RAB3IP: variants seen among roughly 807,000 people sequenced by gnomAD.
RAB3IP encodes the protein RAB3A interacting protein, also known as rab-3A-interacting protein.
Under a neutral mutation model 59.1 loss-of-function variants are expected in RAB3IP, and 36 were observed. That is an observed-to-expected ratio of 0.61 (90% confidence interval 0.47 to 0.80). RAB3IP has a LOEUF of 0.80. Ranked by LOEUF, RAB3IP falls within the 30% of genes least tolerant of loss-of-function variation. The probability of loss-of-function intolerance (pLI) is 0.00; values close to 1 mark genes in which losing one functional copy is unlikely to be tolerated. For missense variants in RAB3IP, 511 were observed against 536.0 expected (o/e 0.95, Z 0.46); for synonymous variants, 207 against 191.2 (o/e 1.08, Z -0.68).
chr12:69,747,633 C>G (rs1257798353), intron 1 of RAB3IP, among the ~76,000 whole-genome samples: 1 of 152,160 alleles, frequency 6.6e-6, no homozygotes, highest in Non-Finnish European at 1.5e-5. Flanking sequence ...GAAATTGAGA[C>G]TTAGATCTTC....
At chr12:69,742,654 T>C (rs1448817375) in intron 1 of RAB3IP, among the ~76,000 whole-genome samples, 1 of 152,148 alleles carries the variant, frequency 6.6e-6, no homozygotes, top group Non-Finnish European at 1.5e-5. Flanking sequence ...AGTTGAAGAA[T>C]GTTAGGATGT....
intron 8 of RAB3IP, among the ~76,000 whole-genome samples, chr12:69,802,849 T>C (rs775373501): frequency 7.2e-5 from 11 of 152,356 alleles, no homozygotes; most frequent in Middle Eastern, 3.4e-3. Context: ...CCTAGTCATA[T>C]GTTTGCTCTG....
chr12:69,759,723 C>T (rs1179801998), intron 3 of RAB3IP, among the ~76,000 whole-genome samples: 77 of 147,538 alleles, frequency 5.2e-4, no homozygotes, highest in Admixed American at 1.5e-3. Flanking sequence ...CCCTCCCGGA[C>T]GGGGCGGCTG....
intron 1 of RAB3IP, among the ~76,000 whole-genome samples, chr12:69,744,848 T>A (rs1027241172): frequency 3.3e-5 from 5 of 152,170 alleles, no homozygotes; most frequent in African/African-American, 1.2e-4. Context: ...GAATGCTTCT[T>A]AAAAGATAAA....
rs1002081021 is a variant in RAB3IP, at chr12:69,821,626, C to T, written c.*6180C>T. ...TGTTTTGGTTTATTTTTCTGTTTGT[C>T]CATCTTGTTTTTGAACAATTGCCAG... is the stretch of plus-strand genomic sequence containing the variant. On this transcript the variant is annotated 3_prime_UTR_variant, in exon 11 of 11. Coordinates refer to ENST00000247833, the MANE Select transcript of RAB3IP (RefSeq NM_022456.5). 1 of 152,132 alleles carries T rather than the reference C, an allele frequency of 6.6e-6. No individual in the cohort carries two copies. Among genetic ancestry groups the T allele is most frequent in the African/African-American group, 2.4e-5 (1 of 41,424 alleles). 9.4% of individuals were successfully genotyped at this position (152,132 alleles called of 1,614,324 possible).
At position 69,756,510 on chromosome 12, in the gene RAB3IP, A is replaced by G; in HGVS notation, c.357A>G (p.Leu119=). 1 of 1,614,174 alleles carries G rather than the reference A, an allele frequency of 6.2e-7. No individual in the cohort carries two copies. The highest frequency in any genetic ancestry group is 8.5e-7 in the Non-Finnish European group (1 of 1,180,002). Residue 119 remains leucine (L), a synonymous_variant, in exon 3 of 11, where the codon TTA becomes TTG. Coordinates refer to ENST00000247833, the MANE Select transcript of RAB3IP (RefSeq NM_022456.5). ...ACTATAATGCAGAGAGAGAGTTTTT[A>G]CAGGGTGCTACTATAACAGAGGCTT... The part of the protein sequence containing the change: ...KDNYNAEREF[L]QGATITEACD...
intron 1 of RAB3IP, among the ~76,000 whole-genome samples, chr12:69,752,626 C>G (rs1489379486): frequency 1.3e-5 from 2 of 152,142 alleles, no homozygotes; most frequent in Admixed American, 1.3e-4. Context: ...AAATTTTCCT[C>G]CATAGGATTT....
chr12:69,738,666 C>T (rs1254079140), upstream of RAB3IP: 1 of 152,162 alleles, frequency 6.6e-6, no homozygotes, highest in Non-Finnish European at 1.5e-5. Flanking sequence ...GGGAAACCGC[C>T]CGCGGAGGAA....
chr12:69,810,279 C>T (rs959761976), intron 8 of RAB3IP, among the ~76,000 whole-genome samples: 4 of 152,148 alleles, frequency 2.6e-5, no homozygotes, highest in Non-Finnish European at 5.9e-5. Context: ...AGAGGAGTAC[C>T]CGGCAGTGTG....
At chr12:69,742,923 C>A (rs916877235) in intron 1 of RAB3IP, among the ~76,000 whole-genome samples, 2 of 152,022 alleles carry the variant, frequency 1.3e-5, no homozygotes, top group Non-Finnish European at 2.9e-5. Context: ...TAACTATAGC[C>A]GTAAACTGAT....
At position 69,748,145 on chromosome 12, in the gene RAB3IP, G is replaced by A. The variant is rs373094651; in HGVS notation, c.-25-7239G>A. ...AGGTAAGTCCAAATTAGGGGAATGTGCTTTTTGTGGAAAAATGGATTTTAT... is the reference window on the plus strand; with the variant it reads ...AGGTAAGTCCAAATTAGGGGAATGTACTTTTTGTGGAAAAATGGATTTTAT... On this transcript the variant is annotated intron_variant, in intron 1 of 10. Transcript: ENST00000247833. Among the ~76,000 whole-genome samples the A allele has an allele frequency of 4.0e-5, 6 of 149,102 alleles. No individual in the cohort carries two copies. In the East Asian group the frequency reaches 7.9e-4, roughly 20 times the overall value.
At chr12:69,799,771 G>A (rs1322955015) in intron 6 of RAB3IP, among the ~76,000 whole-genome samples, 1 of 152,038 alleles carries the variant, frequency 6.6e-6, no homozygotes, top group African/African-American at 2.4e-5. Context: ...TAATTAATTA[G>A]GTTCCAAATT....
intron 4 of RAB3IP, among the ~76,000 whole-genome samples, chr12:69,788,012 A>G (rs1446646502): frequency 2.0e-5 from 3 of 152,160 alleles, no homozygotes; most frequent in Non-Finnish European, 4.4e-5. Context: ...TAAAACAGTT[A>G]TACACACATG....
chr12:69,748,811 G>A (rs1035593143), intron 1 of RAB3IP, among the ~76,000 whole-genome samples: 2 of 152,118 alleles, frequency 1.3e-5, no homozygotes, highest in East Asian at 3.8e-4. Flanking sequence ...TTATAAAGAC[G>A]TATGTGAAAT....
At chr12:69,740,829 ATACTT>A (rs1391993048) in intron 1 of RAB3IP, among the ~76,000 whole-genome samples, 7 of 152,230 alleles carry the variant, frequency 4.6e-5, no homozygotes, top group African/African-American at 1.7e-4. Flanking sequence ...GCACGAAAAA[ATACTT>A]TGTAGATTAC....
At chr12:69,803,147 TAAC>T (rs753075660) in intron 8 of RAB3IP, among the ~76,000 whole-genome samples, 3 of 152,212 alleles carry the variant, frequency 2.0e-5, no homozygotes, top group East Asian at 1.9e-4. Flanking sequence ...CATCAAATGA[TAAC>T]AAATGGGGAT....
At chr12:69,745,938 T>A (rs1252796404) in intron 1 of RAB3IP, among the ~76,000 whole-genome samples, 4 of 152,116 alleles carry the variant, frequency 2.6e-5, no homozygotes, top group Non-Finnish European at 4.4e-5. Context: ...ACAAAATTAA[T>A]CTCTCTCAGC....
intron 8 of RAB3IP, among the ~76,000 whole-genome samples, chr12:69,802,645 A>C (rs1026691549): frequency 1.3e-5 from 2 of 152,248 alleles, no homozygotes; most frequent in African/African-American, 2.4e-5. Flanking sequence ...GAGAGAGCTC[A>C]TAGAAAGCAT....
chr12:69,786,792 C>T (rs1875728621), intron 4 of RAB3IP, among the ~76,000 whole-genome samples: 1 of 61,756 alleles, frequency 1.6e-5, no homozygotes, highest in Non-Finnish European at 3.4e-5. Flanking sequence ...AGAAATGCAG[C>T]TTAGGCAATA....
Sources: gnomAD v4.1 joint callset for allele counts (sites outside exome capture counted in the v4.1 genomes callset) on GRCh38, gnomAD v4.1.1 for gene constraint, MANE v1.5 for transcripts, NCBI Gene and HGNC (gene_info 2026-07-23, HGNC 2026-07-21) for gene names.